Variants in RBFOX1 observed in about 807,000 individuals in gnomAD.
The protein encoded by RBFOX1 is RNA binding protein fox-1 homolog 1.
In RBFOX1, 8 loss-of-function variants were observed where a neutral mutation model predicts 57.7. The observed-to-expected ratio is 0.14, with a 90% CI of 0.08 to 0.25. RBFOX1 has a LOEUF of 0.25. Among genes scored for constraint, RBFOX1 ranks in the 10% least tolerant of loss-of-function variants. The pLI is 1.00. For missense variants in RBFOX1, 611 were observed against 548.5 expected (o/e 1.11, Z -1.14); for synonymous variants, 326 against 222.4 (o/e 1.47, Z -4.15).
intron 4 of RBFOX1, among the ~76,000 whole-genome samples, chr16:5,940,183 G>C (rs919686608): frequency 6.6e-6 from 1 of 152,186 alleles, no homozygotes; most frequent in South Asian, 2.1e-4. Context: ...TGGAATGATG[G>C]AGACACTAGA....
intron 4 of RBFOX1, among the ~76,000 whole-genome samples, chr16:7,511,557 T>C (rs1356156729): frequency 6.6e-6 from 1 of 152,222 alleles, no homozygotes; most frequent in Non-Finnish European, 1.5e-5. Flanking sequence ...ACAGTGTTTG[T>C]CTTAAAATAG....
intron 3 of RBFOX1, among the ~76,000 whole-genome samples, chr16:5,670,841 T>A (rs2049994266): frequency 6.6e-6 from 1 of 152,242 alleles, no homozygotes; most frequent in African/African-American, 2.4e-5. Flanking sequence ...AGCATCTCTG[T>A]TCAATACATT....
At chr16:7,363,352 T>A (rs1364783283) in intron 4 of RBFOX1, among the ~76,000 whole-genome samples, 4 of 152,162 alleles carry the variant, frequency 2.6e-5, no homozygotes, top group African/African-American at 9.7e-5. Context: ...ACTTAATGAC[T>A]TCTTCTGTCC....
intron 4 of RBFOX1, among the ~76,000 whole-genome samples, chr16:5,923,966 C>G (rs150821632): frequency 7.2e-5 from 11 of 152,264 alleles, no homozygotes; most frequent in Non-Finnish European, 1.6e-4. Flanking sequence ...AATTGTAATT[C>G]CCATAATCTC....
intron 3 of RBFOX1, among the ~76,000 whole-genome samples, chr16:7,051,775 G>T (rs1182437308): frequency 6.6e-6 from 1 of 152,080 alleles, no homozygotes; most frequent in Non-Finnish European, 1.5e-5. Context: ...CAAGAGGGGA[G>T]GTGCCCTCAT....
intron 3 of RBFOX1, among the ~76,000 whole-genome samples, chr16:6,896,258 C>T (rs1360464296): frequency 1.3e-5 from 2 of 152,134 alleles, no homozygotes; most frequent in African/African-American, 4.8e-5. Context: ...TTGAGACTGT[C>T]TCAAAACAAA....
chr16:6,259,040 A>T (rs1368198471), intron 1 of RBFOX1, among the ~76,000 whole-genome samples: 1 of 152,222 alleles, frequency 6.6e-6, no homozygotes, highest in Non-Finnish European at 1.5e-5. Flanking sequence ...CTAAATCAAA[A>T]TTGTTATTTG....
intron 2 of RBFOX1, among the ~76,000 whole-genome samples, chr16:6,524,925 C>T (rs949610035): frequency 7.2e-5 from 11 of 152,170 alleles, no homozygotes; most frequent in African/African-American, 2.4e-4. Flanking sequence ...AGTATGACCT[C>T]ATCTTAACTA....
intron 1 of RBFOX1, among the ~76,000 whole-genome samples, chr16:5,459,416 G>T (rs973426124): frequency 6.6e-6 from 1 of 152,080 alleles, no homozygotes; most frequent in Non-Finnish European, 1.5e-5. Flanking sequence ...TTAGCACTTT[G>T]CTAAACCACC....
intron 1 of RBFOX1, among the ~76,000 whole-genome samples, chr16:6,253,055 G>A (rs1432394234): frequency 6.6e-6 from 1 of 152,068 alleles, no homozygotes; most frequent in Non-Finnish European, 1.5e-5. Flanking sequence ...GATTGTTGAA[G>A]GGACATAACC....
At chr16:6,710,253 C>A (rs910306174) in intron 3 of RBFOX1, among the ~76,000 whole-genome samples, 1 of 152,150 alleles carries the variant, frequency 6.6e-6, no homozygotes, top group African/African-American at 2.4e-5. Flanking sequence ...AATTGTTCCT[C>A]TGTAATAGCA....
At chr16:6,100,407 C>A (rs1009082578) in intron 1 of RBFOX1, among the ~76,000 whole-genome samples, 2 of 152,196 alleles carry the variant, frequency 1.3e-5, no homozygotes, top group Non-Finnish European at 2.9e-5. Flanking sequence ...CGTGATCCGC[C>A]CGCCGCGGCC....
chr16:7,655,840 A>T (rs1379731281), intron 12 of RBFOX1, among the ~76,000 whole-genome samples: 5 of 152,198 alleles, frequency 3.3e-5, no homozygotes, highest in African/African-American at 4.8e-5. Context: ...TCCTCACATG[A>T]CCAATTTATA....
At chr16:6,813,897 T>C (rs1374211753) in intron 3 of RBFOX1, among the ~76,000 whole-genome samples, 19 of 152,046 alleles carry the variant, frequency 1.2e-4, no homozygotes, top group Admixed American at 1.2e-3. Flanking sequence ...TGAAGGGAGA[T>C]AATGGTCCAG....
chr16:6,264,045 A>G (rs1178513246), intron 1 of RBFOX1, among the ~76,000 whole-genome samples: 1 of 152,144 alleles, frequency 6.6e-6, no homozygotes, highest in Non-Finnish European at 1.5e-5. Context: ...TAATTTGCTG[A>G]GGGTGAATTT....
intron 3 of RBFOX1, among the ~76,000 whole-genome samples, chr16:7,006,674 C>T (rs1012406597): frequency 2.6e-5 from 4 of 152,156 alleles, no homozygotes; most frequent in Non-Finnish European, 5.9e-5. Context: ...TCTTGAACTC[C>T]TGGACTCAAG....
At chr16:6,375,279 C>T (rs1303037685) in intron 2 of RBFOX1, among the ~76,000 whole-genome samples, 1 of 149,702 alleles carries the variant, frequency 6.7e-6, no homozygotes, top group Non-Finnish European at 1.5e-5. Flanking sequence ...CTTGTTTTGC[C>T]AGAGTGGGGA....
At chr16:5,995,833 G>T (rs2060481213) in intron 4 of RBFOX1, among the ~76,000 whole-genome samples, 1 of 152,072 alleles carries the variant, frequency 6.6e-6, no homozygotes, top group Non-Finnish European at 1.5e-5. Flanking sequence ...TAACCCATTT[G>T]GGCTACTGTA....
intron 14 of RBFOX1, among the ~76,000 whole-genome samples, chr16:7,698,986 G>T (rs1217734443): frequency 1.3e-5 from 2 of 152,158 alleles, no homozygotes; most frequent in Non-Finnish European, 1.5e-5. Context: ...TGGAATGGTG[G>T]TTATCAAATT....
Sources: gnomAD v4.1 joint callset for allele counts (sites outside exome capture counted in the v4.1 genomes callset) on GRCh38, gnomAD v4.1.1 for gene constraint, MANE v1.5 for transcripts, NCBI Gene and HGNC (gene_info 2026-07-23, HGNC 2026-07-21) for gene names.